The following RPAP2 variants were observed in gnomAD, a reference collection of about 807,000 sequenced individuals.
The protein encoded by RPAP2 is RNA polymerase II associated protein 2.
A neutral mutation model predicts 73.1 loss-of-function variants in RPAP2; 52 were observed. The observed-to-expected ratio is 0.71, with a 90% CI of 0.57 to 0.90. RPAP2 has a LOEUF of 0.90. RPAP2 is among the 40% of genes least tolerant of loss of function. The pLI, the probability that RPAP2 is intolerant of heterozygous loss-of-function variation, is 0.00. For synonymous variants in RPAP2, 225 were observed against 242.1 expected (o/e 0.93, Z 0.65); for missense variants, 598 against 701.8 (o/e 0.85, Z 1.67).
intron 11 of RPAP2, among the ~76,000 whole-genome samples, chr1:92,372,649 C>T (rs528958422): frequency 7.2e-5 from 11 of 152,176 alleles, no homozygotes; most frequent in African/African-American, 2.7e-4. Context: ...CACAGTGGCT[C>T]ACACCTATAA....
At chr1:92,370,208 G>A (rs1655092010) in intron 11 of RPAP2, among the ~76,000 whole-genome samples, 1 of 152,054 alleles carries the variant, frequency 6.6e-6, no homozygotes, top group African/African-American at 2.4e-5. Context: ...ATTTCTGTGG[G>A]GTTGGACATG....
At chr1:92,332,811 A>G (rs1653053192) in intron 8 of RPAP2, among the ~76,000 whole-genome samples, 1 of 152,120 alleles carries the variant, frequency 6.6e-6, no homozygotes, top group South Asian at 2.1e-4. Context: ...CTCAATATCT[A>G]ATTAGAAAAT....
chr1:92,397,005 TG>T lies in RPAP2; in HGVS notation c.*9995del, dbSNP rs1247499209. ...ATGCACTTAAAACAGGTAAAGTTTATGTGTATAAATTATACCTTAATAAAGC... is the reference window on the plus strand; with the variant it reads ...ATGCACTTAAAACAGGTAAAGTTTATTGTATAAATTATACCTTAATAAAGC... On this transcript the variant is annotated 3_prime_UTR_variant, in exon 13 of 13. Transcript: ENST00000610020. 1 of 152,212 alleles carries T rather than the reference TG, an allele frequency of 6.6e-6. No individual in the cohort carries two copies. Among genetic ancestry groups the T allele is most frequent in the Non-Finnish European group, 1.5e-5 (1 of 68,044 alleles). 9.4% of individuals were successfully genotyped at this position (152,212 alleles called of 1,614,324 possible).
Position 92,397,298 on chromosome 1 carries a change from G to C in RPAP2, c.*10287G>C, listed in dbSNP as rs1267807407. ...CCAGCTACTCAGGAGTCAGAGGTGG[G>C]AGGATCACTTGAGCCCAGGAGGCAG... On this transcript the variant is annotated 3_prime_UTR_variant, in exon 13 of 13. Coordinates refer to ENST00000610020, the MANE Select transcript of RPAP2 (RefSeq NM_024813.3). 6.6e-6 allele frequency: 1 copy of C among 152,230 alleles called. No individual in the cohort carries two copies. The highest frequency in any genetic ancestry group is 1.5e-5 in the Non-Finnish European group (1 of 68,098). 9.4% of individuals were successfully genotyped at this position (152,230 alleles called of 1,614,324 possible). A position where few individuals can be genotyped will look rare whatever the true frequency, so the allele number is the denominator to read the frequency against.
intron 6 of RPAP2, among the ~76,000 whole-genome samples, chr1:92,313,023 A>G (rs1651689839): frequency 6.6e-6 from 1 of 151,538 alleles, no homozygotes; most frequent in South Asian, 2.1e-4. Context: ...GCGCCACCAC[A>G]CCCGGCTTAT....
At chr1:92,307,124 C>A in intron 5 of RPAP2, 64 bp from the exon 6 acceptor site, 1 of 1,088,896 alleles carries the variant, frequency 9.2e-7, no homozygotes, top group Non-Finnish European at 1.4e-6. Context: ...GTTTTATACT[C>A]TCAACTGTAT....
intron 11 of RPAP2, among the ~76,000 whole-genome samples, chr1:92,375,915 G>A (rs912336586): frequency 1.4e-5 from 2 of 147,158 alleles, no homozygotes. Context: ...CCCAAAAACC[G>A]CTTGAACCCA....
At chr1:92,377,617 C>A (rs999733524) in intron 11 of RPAP2, among the ~76,000 whole-genome samples, 3 of 151,954 alleles carry the variant, frequency 2.0e-5, no homozygotes, top group African/African-American at 7.3e-5. Context: ...CAAGAGCCAG[C>A]CCTGAACAGT....
At chr1:92,354,334 GA>G (rs1390797388) in intron 11 of RPAP2, among the ~76,000 whole-genome samples, 2 of 152,064 alleles carry the variant, frequency 1.3e-5, no homozygotes, top group African/African-American at 4.8e-5. Context: ...AAAAAAGCTG[GA>G]GACACTATTC....
At chr1:92,354,626 A>G (rs1654373690) in intron 11 of RPAP2, among the ~76,000 whole-genome samples, 1 of 152,182 alleles carries the variant, frequency 6.6e-6, no homozygotes, top group Non-Finnish European at 1.5e-5. Context: ...GACATAAACC[A>G]TCTGTTATAA....
At position 92,336,356 on chromosome 1, in the gene RPAP2, G is replaced by T. The variant is rs147117321; in HGVS notation, c.1548G>T (p.Gly516=). The change falls in exon 10 of 13, where the codon GGG becomes GGT. Residue 516 remains glycine, a synonymous_variant. Coordinates refer to ENST00000610020, the MANE Select transcript of RPAP2 (RefSeq NM_024813.3). Reference sequence around the variant, plus strand: ...ATTTTTAAATTTTCAGGTTGCCTGGGCTTCTGGTTCCTCTTCAGATTACAT... The same window carrying T: ...ATTTTTAAATTTTCAGGTTGCCTGGTCTTCTGGTTCCTCTTCAGATTACAT... ...VLEKLSKVLP[G]LLVPLQITLG... 1,683 of 1,604,090 alleles carry T rather than the reference G, an allele frequency of 1.0e-3. 2 individuals are homozygous for T. Among genetic ancestry groups the T allele is most frequent in the Non-Finnish European group, 1.3e-3 (1,547 of 1,176,118 alleles).
chr1:92,358,939 C>G (rs889445150), intron 11 of RPAP2, among the ~76,000 whole-genome samples: 2 of 152,142 alleles, frequency 1.3e-5, no homozygotes, highest in African/African-American at 4.8e-5. Flanking sequence ...ATAGACCTAT[C>G]CTTTGTTCTT....
chr1:92,371,322 A>G (rs1349274067), intron 11 of RPAP2, among the ~76,000 whole-genome samples: 1 of 32,672 alleles, frequency 3.1e-5, no homozygotes, highest in Non-Finnish European at 5.3e-5. Flanking sequence ...AAAAAAAAAT[A>G]TATATATATA....
chr1:92,304,792 C>T (rs1651088342), intron 5 of RPAP2, among the ~76,000 whole-genome samples: 1 of 152,114 alleles, frequency 6.6e-6, no homozygotes, highest in Non-Finnish European at 1.5e-5. Context: ...AGTCTCTATA[C>T]ATAGATCAAT....
chr1:92,354,769 C>T (rs1654380726), intron 11 of RPAP2, among the ~76,000 whole-genome samples: 2 of 151,972 alleles, frequency 1.3e-5, no homozygotes, highest in South Asian at 2.1e-4. Flanking sequence ...TTCTTGTCTA[C>T]TTTTTTTGTT....
rs184134596 is a variant in RPAP2 at position 92,358,763 on chromosome 1, A to C, written c.1688+12849A>C. ...CCATCCTGCTCAGCTTTAAAAAAAAAAATTGTAGAGATAGGGGTCTCACTT... is the reference window on the plus strand; with the variant it reads ...CCATCCTGCTCAGCTTTAAAAAAAACAATTGTAGAGATAGGGGTCTCACTT... On this transcript the variant is annotated intron_variant, in intron 11 of 12. Coordinates refer to ENST00000610020, the MANE Select transcript of RPAP2 (RefSeq NM_024813.3). 5.3e-5 allele frequency among the ~76,000 whole-genome samples: 8 copies of C among 152,080 alleles called. No individual in the cohort carries two copies. The East Asian group carries it at 1.5e-3, about 29-fold the overall frequency.
intron 12 of RPAP2, among the ~76,000 whole-genome samples, chr1:92,381,553 C>T (rs1039399505): frequency 6.7e-6 from 1 of 149,238 alleles, no homozygotes; most frequent in African/African-American, 2.5e-5. Context: ...GAAATTCATC[C>T]TAAGCTACAA....
chr1:92,378,508 C>T (rs901761465), intron 11 of RPAP2, among the ~76,000 whole-genome samples: 20 of 152,244 alleles, frequency 1.3e-4, no homozygotes, highest in African/African-American at 4.6e-4. Context: ...CCATCGCGCC[C>T]GGCCAGTACC....
At chr1:92,314,969 C>T (rs1204607444) in intron 6 of RPAP2, among the ~76,000 whole-genome samples, 1 of 152,006 alleles carries the variant, frequency 6.6e-6, no homozygotes, top group African/African-American at 2.4e-5. Context: ...CTCTTGAACC[C>T]GAGAGGCAGA....
Sources: allele counts gnomAD v4.1 joint callset (sites outside exome capture counted in the v4.1 genomes callset), GRCh38; gene constraint gnomAD v4.1.1; transcripts MANE v1.5; gene names NCBI Gene and HGNC (gene_info 2026-07-23, HGNC 2026-07-21).